Variants in C11orf91 observed in about 807,000 individuals in gnomAD.
C11orf91 encodes uncharacterized protein C11orf91.
In C11orf91, 10 loss-of-function variants were observed where a neutral mutation model predicts 14.3. That is an observed-to-expected ratio of 0.70 (90% CI 0.43 to 1.18). The LOEUF is 1.18. Among genes scored for constraint, C11orf91 ranks in the 50% most tolerant of loss-of-function variants. C11orf91 has a pLI of 0.00. For missense variants in C11orf91, 236 were observed against 269.0 expected, an observed-to-expected ratio of 0.88 and a Z score of 0.86; for synonymous variants, 141 against 130.6, an observed-to-expected ratio of 1.08 and a Z score of -0.54.
upstream of C11orf91, chr11:33,703,075 A>G (rs969066752): frequency 1.3e-5 from 2 of 152,252 alleles, no homozygotes; most frequent in Non-Finnish European, 2.9e-5. Context: ...TTTTATGTAT[A>G]TATCTAGTTG....
chr11:33,704,484 C>T (rs565612441), upstream of C11orf91: 9 of 152,220 alleles, frequency 5.9e-5, no homozygotes, highest in South Asian at 2.1e-4. Flanking sequence ...CAGATAATCG[C>T]GCCAGCCTCA....
At chr11:33,706,114 C>A in the C11orf91 span, 1 of 151,552 alleles carries the variant, frequency 6.6e-6, no homozygotes, top group African/African-American at 2.4e-5. Context: ...GCATGCTACC[C>A]CCCTCCTCTC....
At chr11:33,702,091 ATTG>A (rs201788809), upstream of C11orf91, among the ~76,000 whole-genome samples, 1,791 of 152,218 alleles carry the variant, frequency 0.012, 16 homozygotes, top group African/African-American at 0.018. Flanking sequence ...GCCACCCATC[ATTG>A]TTTATTCATA....
At position 33,700,366 on chromosome 11, in the gene C11orf91, G is replaced by A. The variant is rs1853100601; in HGVS notation, c.375C>T (p.Pro125=). 6.5e-7 allele frequency: 1 copy of A among 1,534,962 alleles called. No homozygotes were observed. The highest frequency in any genetic ancestry group is 8.7e-7 in the Non-Finnish European group (1 of 1,146,488). The change falls in exon 1 of 2, where the codon CCC becomes CCT. Residue 125 remains proline, a synonymous_variant. Transcript: ENST00000379011. Reference sequence around the variant, plus strand: ...AGGCGAGCCTGGGGGTCGAGGGGCAGGGGACCAGGGGCGAGGCAACCACCT... The same window carrying A: ...AGGCGAGCCTGGGGGTCGAGGGGCAAGGGACCAGGGGCGAGGCAACCACCT... ...GPEVVASPLV[P]CPSTPRLASA...
At chr11:33,702,928 G>C (rs1853156613), upstream of C11orf91, 1 of 156,398 alleles carries the variant, frequency 6.4e-6, no homozygotes, top group Non-Finnish European at 1.4e-5. Context: ...TGCTTAGGTT[G>C]GCAAGACTAA....
At chr11:33,701,828 G>A (rs985795746), upstream of C11orf91, among the ~76,000 whole-genome samples, 6 of 151,646 alleles carry the variant, frequency 4.0e-5, no homozygotes, top group East Asian at 1.2e-3. Context: ...GGTAGCCTTG[G>A]ACAAGTTGCT....
intron 1 of C11orf91, chr11:33,699,547 A>G (rs1318728118): frequency 2.2e-6 from 1 of 456,324 alleles, no homozygotes; most frequent in Admixed American, 2.3e-5. Context: ...TTACCCTCCA[A>G]CAGGGAGGAG....
Position 33,700,592 on chromosome 11 carries a change from T to C in C11orf91, c.149A>G (p.Lys50Arg). 1 of 1,455,654 alleles carries C rather than the reference T, an allele frequency of 6.9e-7. No individual in the cohort carries two copies. Among genetic ancestry groups the C allele is most frequent in the Non-Finnish European group, 9.0e-7 (1 of 1,107,518 alleles). 90.2% of individuals were successfully genotyped at this position (1,455,654 alleles called of 1,614,324 possible). The change falls in exon 1 of 2, where the codon AAG becomes AGG. Residue 50 changes from lysine (K) to arginine (R), a missense_variant. By Grantham distance (26) the Lys-to-Arg change is conservative (BLOSUM62 2). Transcript: ENST00000379011. ...CCCGCCCACTGGCGCCCCGCCCGCC[T>C]TCAGCGGCACGAAGAGCTTCTTCCA... ...NIWKKLFVPL[K>R]AGGAPVGGAA...
rs1168038388 is a variant in C11orf91 at position 33,700,316 on chromosome 11, C to G, written c.425G>C (p.Cys142Ser). The G allele has an allele frequency of 6.5e-7, 1 of 1,535,292 alleles. No homozygotes were observed. The highest frequency in any genetic ancestry group is 1.2e-5 in the South Asian group (1 of 84,054). The change falls in exon 1 of 2, where the codon TGC becomes TCC. Residue 142 changes from cysteine (C) to serine (S), a missense_variant. By Grantham distance (112) the Cys-to-Ser change is moderately radical (BLOSUM62 -1). Coordinates refer to ENST00000379011, the MANE Select transcript of C11orf91 (RefSeq NM_001166692.2). ...CTCCTTAATCCGGATCTCCAGCTCG[C>G]AGAGCTCCTCCGGGTGGGAGGCAGA... ...LASASHPEEL[C>S]ELEIRIKELE...
rs1411218053 is a variant in C11orf91 at position 33,700,289 on chromosome 11, A to G, written c.452T>C (p.Leu151Pro). Residue 151 changes from leucine to proline, a missense_variant, in exon 1 of 2, where the codon CTG becomes CCG. Physicochemically the swap from Leu to Pro is moderately conservative, Grantham distance 98. Coordinates refer to ENST00000379011, the MANE Select transcript of C11orf91 (RefSeq NM_001166692.2). ...GTCCCCAGTGATGGTGAGCAACTCC[A>G]GCTCCTTAATCCGGATCTCCAGCTC... ...LCELEIRIKE[L>P]ELLTITGDGF... 1 of 1,535,084 alleles carries G rather than the reference A, an allele frequency of 6.5e-7. No individual in the cohort carries two copies. Among genetic ancestry groups the G allele is most frequent in the Non-Finnish European group, 8.7e-7 (1 of 1,146,586 alleles).
At chr11:33,702,616 C>T (rs1282244859), upstream of C11orf91, 1 of 186,708 alleles carries the variant, frequency 5.4e-6, no homozygotes, top group Non-Finnish European at 1.2e-5. Context: ...TATATAAGCT[C>T]TCAAGCCACT....
chr11:33,701,726 T>C (rs1853130406), upstream of C11orf91, among the ~76,000 whole-genome samples: 1 of 149,976 alleles, frequency 6.7e-6, no homozygotes, highest in African/African-American at 2.5e-5. Context: ...AATATATATA[T>C]GCATATGTAT....
upstream of C11orf91, chr11:33,700,912 G>T (rs11032346): frequency 3.9e-6 from 2 of 517,768 alleles, no homozygotes; most frequent in Non-Finnish European, 5.6e-6. Flanking sequence ...GGACGACCAC[G>T]TCCCGGAACG....
At chr11:33,699,701 C>T in intron 1 of C11orf91, 1 of 453,286 alleles carries the variant, frequency 2.2e-6, no homozygotes, top group Admixed American at 2.4e-5. Context: ...CCCAGGGGGG[C>T]TGCCCCCCAG....
intron 1 of C11orf91, among the ~76,000 whole-genome samples, chr11:33,699,151 A>G (rs1853080155): frequency 6.6e-6 from 1 of 152,090 alleles, no homozygotes; most frequent in African/African-American, 2.4e-5. Context: ...CTATGAATAC[A>G]TAGTATTATG....
chr11:33,700,554 G>T lies in C11orf91; in HGVS notation c.187C>A (p.Arg63=), dbSNP rs894323382. 3.5e-6 allele frequency: 5 copies of T among 1,432,706 alleles called. No homozygotes were observed. In the African/African-American group the frequency reaches 4.4e-5, roughly 13 times the overall value. 88.7% of individuals were successfully genotyped at this position (1,432,706 alleles called of 1,614,324 possible). ...GCGGGGAGCGCCTGGGACAGGGACCGGGCCCCCGCCGCCCCGCCCACTGGC... is the reference window on the plus strand; with the variant it reads ...GCGGGGAGCGCCTGGGACAGGGACCTGGCCCCCGCCGCCCCGCCCACTGGC... ...GAPVGGAAGA[R]SLSQALPAPA... The change falls in exon 1 of 2, where the codon CGG becomes AGG. Residue 63 remains arginine (R), a synonymous_variant. Transcript: ENST00000379011.
rs755393600 is a variant in C11orf91 at position 33,700,707 on chromosome 11, T to C, written c.34A>G (p.Thr12Ala). ...PKGRRGSHSP[T>A]MSQRSAPPLY... ...GGCGGAGCCGACCGCTGGCTCATGG[T>C]GGGGCTGTGGCTGCCGCGCCGCCCC... is the stretch of plus-strand genomic sequence containing the variant. Residue 12 changes from threonine to alanine, a missense_variant, in exon 1 of 2, where the codon ACC (threonine) becomes GCC (alanine). Physicochemically the swap from Thr to Ala is moderately conservative, Grantham distance 58 (BLOSUM62 0). Transcript: ENST00000379011. 7 of 1,407,416 alleles carry C rather than the reference T, an allele frequency of 5.0e-6. No individual in the cohort carries two copies. The highest frequency in any genetic ancestry group is 6.5e-6 in the Non-Finnish European group (7 of 1,078,592). The allele number at this position is 1,407,416 out of a possible 1,614,324, so 87.2% of individuals were successfully genotyped here.
chr11:33,701,033 C>G (rs1474943950), upstream of C11orf91, among the ~76,000 whole-genome samples: 2 of 152,252 alleles, frequency 1.3e-5, no homozygotes, highest in African/African-American at 2.4e-5. Context: ...CGCTCTTGCT[C>G]TGCGACCCCG....
chr11:33,698,398 G>A lies in C11orf91; in HGVS notation c.*31C>T. ...TTATCTAAGCACTAACACCTAAGGA[G>A]GTGGCTGCCCAAGCTCTGGTAGGCA... is the stretch of plus-strand genomic sequence containing the variant. On this transcript the variant is annotated 3_prime_UTR_variant, in exon 2 of 2. Coordinates refer to ENST00000379011, the MANE Select transcript of C11orf91 (RefSeq NM_001166692.2). 7.4e-7 allele frequency: 1 copy of A among 1,344,258 alleles called. No individual in the cohort carries two copies. Among genetic ancestry groups the A allele is most frequent in the South Asian group, 1.2e-5 (1 of 80,100 alleles). The allele number at this position is 1,344,258 out of a possible 1,614,324, so 83.3% of individuals were successfully genotyped here.
Sources: gnomAD v4.1 joint callset for allele counts (sites outside exome capture counted in the v4.1 genomes callset) on GRCh38, gnomAD v4.1.1 for gene constraint, MANE v1.5 for transcripts, NCBI Gene and HGNC (gene_info 2026-07-23, HGNC 2026-07-21) for gene names.